The following TENM4 variants were observed in gnomAD, a reference collection of about 807,000 sequenced individuals.
TENM4 encodes teneurin-4.
TENM4 carries 82 observed loss-of-function variants against 243.3 expected under a neutral mutation model. That is an observed-to-expected ratio of 0.34 (90% CI 0.28 to 0.40). The LOEUF (loss-of-function observed/expected upper bound fraction) is 0.40, where lower values mean the gene tolerates loss of function less well. Ranked by LOEUF, TENM4 falls within the 10% of genes least tolerant of loss-of-function variation. The pLI is 1.00. For synonymous variants in TENM4, 1,412 were observed against 1,456.3 expected (o/e 0.97, Z 0.69); for missense variants, 3,138 against 3,673.3 (o/e 0.85, Z 3.77).
intron 2 of TENM4, among the ~76,000 whole-genome samples, chr11:79,231,703 T>A (rs7932510): frequency 0.14 from 20,612 of 152,218 alleles, 2,546 homozygotes; most frequent in African/African-American, 0.32. Context: ...TTCACCTGCT[T>A]ACTCATTTGA....
chr11:79,172,806 A>AT (rs1158246858), intron 3 of TENM4, among the ~76,000 whole-genome samples: 5 of 151,732 alleles, frequency 3.3e-5, no homozygotes, highest in Non-Finnish European at 5.9e-5. Context: ...GCCCAGCTAA[A>AT]TTTTTTGTAT....
chr11:78,777,050 C>CA (rs958150888), intron 17 of TENM4, among the ~76,000 whole-genome samples: 75 of 149,972 alleles, frequency 5.0e-4, no homozygotes, highest in African/African-American at 8.3e-4. Flanking sequence ...TCTATTCCCT[C>CA]AAAAAAAAAT....
intron 3 of TENM4, among the ~76,000 whole-genome samples, chr11:79,211,810 T>C (rs183724750): frequency 3.7e-4 from 56 of 152,334 alleles, no homozygotes; most frequent in African/African-American, 1.3e-3. Flanking sequence ...CTTTGGGGTC[T>C]TCAATAACGT....
intron 6 of TENM4, among the ~76,000 whole-genome samples, chr11:79,031,275 CA>C (rs2136855602): frequency 6.6e-6 from 1 of 152,186 alleles, no homozygotes; most frequent in Non-Finnish European, 1.5e-5. Flanking sequence ...GTATTTGGGG[CA>C]GGGGAGATAC....
chr11:79,165,184 T>C (rs1862885850), intron 3 of TENM4, among the ~76,000 whole-genome samples: 1 of 152,144 alleles, frequency 6.6e-6, no homozygotes, highest in Non-Finnish European at 1.5e-5. Context: ...GATCAAATGG[T>C]AGTTCTACTT....
chr11:79,296,736 T>A (rs947670624), intron 2 of TENM4, among the ~76,000 whole-genome samples: 1 of 152,236 alleles, frequency 6.6e-6, no homozygotes, highest in Non-Finnish European at 1.5e-5. Flanking sequence ...GCCCACTCTT[T>A]CAGCCATCGT....
intron 3 of TENM4, among the ~76,000 whole-genome samples, chr11:79,166,948 A>T: frequency 6.6e-6 from 1 of 152,200 alleles, no homozygotes; most frequent in East Asian, 1.9e-4. Context: ...AACATAAAGC[A>T]GGGGAGTGGA....
chr11:78,912,205 C>T (rs972662603), intron 6 of TENM4, among the ~76,000 whole-genome samples: 2 of 152,142 alleles, frequency 1.3e-5, no homozygotes, highest in Admixed American at 6.5e-5. Flanking sequence ...TGGAACCCAC[C>T]TTTAAGAGCC....
At chr11:79,088,136 G>T (rs1348138788) in intron 4 of TENM4, among the ~76,000 whole-genome samples, 1 of 152,184 alleles carries the variant, frequency 6.6e-6, no homozygotes, top group Non-Finnish European at 1.5e-5. Flanking sequence ...TGCTTTTATG[G>T]GTCTTTAATC....
chr11:79,334,586 C>A (rs1466614877), intron 1 of TENM4, among the ~76,000 whole-genome samples: 2 of 152,156 alleles, frequency 1.3e-5, no homozygotes, highest in Non-Finnish European at 2.9e-5. Flanking sequence ...CAGGGGCATC[C>A]CTTGCCTGTC....
At chr11:78,761,101 G>C (rs1856420810) in intron 18 of TENM4, among the ~76,000 whole-genome samples, 1 of 151,912 alleles carries the variant, frequency 6.6e-6, no homozygotes, top group South Asian at 2.1e-4. Flanking sequence ...TCATCCTTCT[G>C]CATGTTGTAG....
At chr11:78,976,284 G>A (rs150389584) in intron 6 of TENM4, among the ~76,000 whole-genome samples, 2 of 152,212 alleles carry the variant, frequency 1.3e-5, no homozygotes, top group African/African-American at 4.8e-5. Flanking sequence ...TCAGGGATTC[G>A]TGTAACCAAT....
intron 6 of TENM4, among the ~76,000 whole-genome samples, chr11:78,965,083 G>A (rs1481052431): frequency 6.6e-6 from 1 of 151,990 alleles, no homozygotes; most frequent in African/African-American, 2.4e-5. Flanking sequence ...GGCCAGGCTG[G>A]TCTCGAACTC....
At chr11:79,165,304 A>G (rs1055633480) in intron 3 of TENM4, among the ~76,000 whole-genome samples, 6 of 152,002 alleles carry the variant, frequency 3.9e-5, no homozygotes, top group Non-Finnish European at 7.4e-5. Flanking sequence ...GCCAATATCT[A>G]TTACTTTTTG....
At chr11:79,427,130 A>G (rs78288798) in intron 1 of TENM4, among the ~76,000 whole-genome samples, 2,021 of 152,298 alleles carry the variant, frequency 0.013, 48 homozygotes, top group African/African-American at 0.046. Flanking sequence ...ACACAACACA[A>G]GAATGATGAA....
chr11:78,710,484 C>A (rs1859372487), intron 26 of TENM4, among the ~76,000 whole-genome samples: 2 of 152,224 alleles, frequency 1.3e-5, no homozygotes, highest in Non-Finnish European at 2.9e-5. Context: ...AGCCTCAAGG[C>A]TGGGAAGCCT....
chr11:79,389,178 G>A (rs925921950), intron 1 of TENM4, among the ~76,000 whole-genome samples: 1 of 152,108 alleles, frequency 6.6e-6, no homozygotes, highest in Non-Finnish European at 1.5e-5. Context: ...GTTTGTTTGA[G>A]AAGGTCTCAC....
intron 2 of TENM4, among the ~76,000 whole-genome samples, chr11:79,265,437 A>C (rs1159970588): frequency 6.6e-6 from 1 of 152,228 alleles, no homozygotes; most frequent in African/African-American, 2.4e-5. Flanking sequence ...AAAGACTTAG[A>C]GTGAAAACAA....
At chr11:78,723,012 C>T (rs963285100) in intron 23 of TENM4, 95 bp from the exon 24 acceptor site, 1 of 1,515,518 alleles carries the variant, frequency 6.6e-7, no homozygotes, top group African/African-American at 1.4e-5. Flanking sequence ...GCAAGGCATG[C>T]AAGATCTCCA....
Sources: allele counts gnomAD v4.1 joint callset (sites outside exome capture counted in the v4.1 genomes callset), GRCh38; gene constraint gnomAD v4.1.1; transcripts MANE v1.5; gene names NCBI Gene and HGNC (gene_info 2026-07-23, HGNC 2026-07-21).